Variants in HIBCH observed in about 807,000 individuals in gnomAD.
HIBCH encodes 3-hydroxyisobutyryl-CoA hydrolase, also known as 3-hydroxyisobutyryl-CoA hydrolase, mitochondrial.
HIBCH carries 50 observed loss-of-function variants against 58.2 expected under a neutral mutation model. The ratio of observed to expected loss-of-function variants is 0.86; its 90% CI spans 0.68 to 1.09. HIBCH has a LOEUF of 1.09. Among genes scored for constraint, HIBCH ranks in the 50% least tolerant of loss-of-function variants. HIBCH has a pLI of 0.00. For synonymous variants in HIBCH, 151 were observed against 146.9 expected, an observed-to-expected ratio of 1.03 and a Z score of -0.20; for missense variants, 450 against 449.7, an observed-to-expected ratio of 1.00 and a Z score of -0.01.
chr2:190,221,753 C>T (rs1472433069), intron 11 of HIBCH, among the ~76,000 whole-genome samples: 1 of 152,082 alleles, frequency 6.6e-6, no homozygotes, highest in Non-Finnish European at 1.5e-5. Context: ...AGCAAGACGA[C>T]GGAGACTACG....
chr2:190,226,098 C>A (rs115544331), intron 11 of HIBCH, among the ~76,000 whole-genome samples: 3 of 152,096 alleles, frequency 2.0e-5, no homozygotes, highest in Non-Finnish European at 2.9e-5. Context: ...GGTATTGATG[C>A]GACGTATCTC....
At chr2:190,241,151 T>G (rs1686442248) in intron 11 of HIBCH, among the ~76,000 whole-genome samples, 1 of 152,346 alleles carries the variant, frequency 6.6e-6, no homozygotes, top group East Asian at 1.9e-4. Context: ...TGAATCTGGG[T>G]GCTCCTGTAT....
chr2:190,274,775 C>T (rs764521959), intron 6 of HIBCH, among the ~76,000 whole-genome samples: 2 of 152,184 alleles, frequency 1.3e-5, no homozygotes, highest in Non-Finnish European at 2.9e-5. Context: ...AAGGTTACCA[C>T]AAAAAGCATG....
At chr2:190,267,109 A>T (rs1365148290) in intron 6 of HIBCH, among the ~76,000 whole-genome samples, 10 of 152,000 alleles carry the variant, frequency 6.6e-5, no homozygotes, top group Non-Finnish European at 8.8e-5. Context: ...TAGAAGACCA[A>T]TTCTGTCCAC....
chr2:190,227,628 T>A (rs1685949326), intron 11 of HIBCH, among the ~76,000 whole-genome samples: 1 of 152,142 alleles, frequency 6.6e-6, no homozygotes, highest in African/African-American at 2.4e-5. Flanking sequence ...ACCTACAGAA[T>A]GGGAGAGAAT....
chr2:190,264,804 G>T (rs1166984207), intron 6 of HIBCH, among the ~76,000 whole-genome samples: 2 of 152,022 alleles, frequency 1.3e-5, no homozygotes, highest in Non-Finnish European at 2.9e-5. Flanking sequence ...ATATACCAGG[G>T]AGTAAAAGTG....
chr2:190,298,362 C>G (rs1433548125), intron 2 of HIBCH, among the ~76,000 whole-genome samples: 5 of 151,484 alleles, frequency 3.3e-5, no homozygotes, highest in Non-Finnish European at 5.9e-5. Flanking sequence ...ATTTACACTC[C>G]CACCAACAGC....
At chr2:190,266,676 C>T (rs895444762) in intron 6 of HIBCH, among the ~76,000 whole-genome samples, 11 of 152,092 alleles carry the variant, frequency 7.2e-5, no homozygotes, top group Admixed American at 1.3e-4. Context: ...CCAGGTGACG[C>T]GCCCGCCTCG....
chr2:190,219,252 C>T (rs569749219), intron 11 of HIBCH, among the ~76,000 whole-genome samples: 4 of 151,576 alleles, frequency 2.6e-5, no homozygotes, highest in African/African-American at 9.7e-5. Context: ...CTAAAGGACA[C>T]AAAAATAAAT....
chr2:190,200,165 C>A (rs1386306992), downstream of HIBCH: 1 of 1,603,754 alleles, frequency 6.2e-7, no homozygotes, highest in East Asian at 2.2e-5. Context: ...AGGATGACAA[C>A]ACTTTGACTG....
At chr2:190,295,503 C>T (rs149163301) in intron 3 of HIBCH, among the ~76,000 whole-genome samples, 6 of 152,278 alleles carry the variant, frequency 3.9e-5, no homozygotes, top group African/African-American at 1.4e-4. Context: ...GAATTTTCCA[C>T]TTGTGGCATC....
intron 6 of HIBCH, among the ~76,000 whole-genome samples, chr2:190,283,798 C>T (rs990067060): frequency 2.0e-4 from 30 of 152,156 alleles, no homozygotes; most frequent in African/African-American, 7.2e-4. Flanking sequence ...CTCAGGGGTT[C>T]CTCATCTGAA....
chr2:190,256,450 A>T (rs1042433030), intron 7 of HIBCH, among the ~76,000 whole-genome samples: 1 of 151,694 alleles, frequency 6.6e-6, no homozygotes, highest in Non-Finnish European at 1.5e-5. Context: ...CTGCAAAAAA[A>T]AAAAAAAATA....
intron 1 of HIBCH, among the ~76,000 whole-genome samples, chr2:190,196,493 T>C (rs1689983142): frequency 6.6e-6 from 1 of 151,994 alleles, no homozygotes; most frequent in African/African-American, 2.4e-5. Flanking sequence ...TAAAGTTCTA[T>C]TATTAATTTC....
chr2:190,224,699 C>T (rs548289865), intron 11 of HIBCH, among the ~76,000 whole-genome samples: 1 of 152,292 alleles, frequency 6.6e-6, no homozygotes, highest in Non-Finnish European at 1.5e-5. Flanking sequence ...GACTTCAACA[C>T]CACACTGTCA....
intron 4 of HIBCH, among the ~76,000 whole-genome samples, chr2:190,294,001 T>C (rs1688031060): frequency 7.4e-6 from 1 of 134,502 alleles, no homozygotes; most frequent in African/African-American, 2.8e-5. Flanking sequence ...CAATATATAT[T>C]TTGTAATATA....
chr2:190,286,875 AC>A (rs1559053393), intron 6 of HIBCH, among the ~76,000 whole-genome samples: 2 of 151,446 alleles, frequency 1.3e-5, no homozygotes, highest in South Asian at 4.2e-4. Flanking sequence ...AAAAAAAAAA[AC>A]TCAACATTCT....
In HIBCH at chr2:190,255,320, A is replaced by G. The variant is rs1025533098; in HGVS notation, c.518-3013T>C. On this transcript the variant is annotated intron_variant, in intron 7 of 13. Transcript: ENST00000359678. ...AACAGGCCAAGTTCATTCTTACCTA[A>G]GGGTCTTGAGCTAACTTTTCTTAAT... Among the ~76,000 whole-genome samples the G allele has an allele frequency of 3.9e-5, 6 of 152,152 alleles. 1 individual carries two copies. Among genetic ancestry groups the G allele is most frequent in the Admixed American group, 3.9e-4 (6 of 15,260 alleles).
At chr2:190,263,206 A>C (rs1162571853) in intron 6 of HIBCH, among the ~76,000 whole-genome samples, 1 of 152,214 alleles carries the variant, frequency 6.6e-6, no homozygotes, top group Non-Finnish European at 1.5e-5. Flanking sequence ...AATTTTATAC[A>C]GATTCATTCT....
Sources: allele counts gnomAD v4.1 joint callset (sites outside exome capture counted in the v4.1 genomes callset), GRCh38; gene constraint gnomAD v4.1.1; transcripts MANE v1.5; gene names NCBI Gene and HGNC (gene_info 2026-07-23, HGNC 2026-07-21).